PTPRB: variants seen among roughly 807,000 people sequenced by gnomAD.
The protein encoded by PTPRB is receptor-type tyrosine-protein phosphatase beta.
PTPRB carries 97 observed loss-of-function variants against 238.1 expected under a neutral mutation model. The observed-to-expected ratio is 0.41, with a 90% CI of 0.35 to 0.48. The LOEUF is 0.48. Among genes scored for constraint, PTPRB ranks in the 20% least tolerant of loss-of-function variants. The pLI is 0.30. For synonymous variants in PTPRB, 970 were observed against 995.4 expected (o/e 0.97, Z 0.48); for missense variants, 2,292 against 2,681.9 (o/e 0.85, Z 3.21).
chr12:70,526,424 T>A (rs1330848112), intron 32 of PTPRB, among the ~76,000 whole-genome samples: 1 of 152,206 alleles, frequency 6.6e-6, no homozygotes, highest in African/African-American at 2.4e-5. Flanking sequence ...CAGGCTGGTC[T>A]GAAACTCCTG....
At chr12:70,542,592 AT>A (rs200371363) in intron 22 of PTPRB, 907 of 89,800 alleles carry the variant, frequency 0.01, 12 homozygotes, top group Admixed American at 0.052. Context: ...AAAAAAAAAT[AT>A]ATATATATAT....
Position 70,520,252 on chromosome 12 carries a change from A to ATTTG in PTPRB, c.*1233_*1236dup. 2.1e-6 allele frequency: 1 copy of ATTTG among 466,278 alleles called. No homozygotes were observed. 28.9% of individuals were successfully genotyped at this position (466,278 alleles called of 1,614,324 possible). On this transcript the variant is annotated 3_prime_UTR_variant, in exon 34 of 34. Coordinates refer to ENST00000334414, the MANE Select transcript of PTPRB (RefSeq NM_001109754.4). ...AGGAAATACTTTCTGACTCATTGGA[A>ATTTG]TTTGTTATAGTCAAAGTAAGTAAGG...
chr12:70,524,158 G>C (rs547688201), intron 33 of PTPRB, among the ~76,000 whole-genome samples: 2 of 152,022 alleles, frequency 1.3e-5, no homozygotes, highest in Non-Finnish European at 1.5e-5. Context: ...ACCCAGGCTG[G>C]AGTGCAGTGG....
chr12:70,593,950 TGAAA>T (rs905639348), intron 6 of PTPRB, among the ~76,000 whole-genome samples: 1 of 152,216 alleles, frequency 6.6e-6, no homozygotes, highest in African/African-American at 2.4e-5. Flanking sequence ...GCTGAATGAA[TGAAA>T]GTTTGTATAA....
intron 21 of PTPRB, among the ~76,000 whole-genome samples, chr12:70,545,816 C>A (rs1171546947): frequency 1.3e-5 from 2 of 152,150 alleles, no homozygotes; most frequent in African/African-American, 4.8e-5. Context: ...TCATGTCACT[C>A]AAGAGAACAG....
intron 9 of PTPRB, among the ~76,000 whole-genome samples, chr12:70,585,842 T>C (rs1881853619): frequency 6.6e-6 from 1 of 150,518 alleles, no homozygotes. Flanking sequence ...TTCCCCACTC[T>C]GTGTCCAAGT....
Position 70,581,062 on chromosome 12 carries a change from C to G in PTPRB, c.2552G>C (p.Arg851Pro). ...VTTVSGGISS[R>P]QVVVEGRTVP... ...TGTTCTTCCCTCCACAACCACTTGT[C>G]GGGAAGAGATCCCTCCACTCACTGT... Residue 851 changes from arginine to proline, a missense_variant, in exon 10 of 34, where the codon CGA becomes CCA. Around this residue, in one of 4 missense-constraint regions of PTPRB, gnomAD observed 1,205 missense variants for 1,287.8 expected, o/e 0.94. Coordinates refer to ENST00000334414, the MANE Select transcript of PTPRB (RefSeq NM_001109754.4). 2 of 1,613,902 alleles carry G rather than the reference C, an allele frequency of 1.2e-6. No homozygotes were observed. The highest frequency in any genetic ancestry group is 1.7e-6 in the Non-Finnish European group (2 of 1,179,850).
chr12:70,621,044 C>T (rs137936049), intron 3 of PTPRB, among the ~76,000 whole-genome samples: 447 of 152,190 alleles, frequency 2.9e-3, no homozygotes, highest in African/African-American at 0.01. Flanking sequence ...AAAAAGTAAG[C>T]GGTGAATCTC....
chr12:70,540,300 T>TA (rs1263469254), intron 23 of PTPRB: 11 of 316,632 alleles, frequency 3.5e-5, no homozygotes, highest in African/African-American at 6.4e-5. Flanking sequence ...AACTTTGCTT[T>TA]AAAAAAATCC....
At chr12:70,550,840 T>C (rs2584026) in intron 21 of PTPRB, among the ~76,000 whole-genome samples, 85,564 of 152,006 alleles carry the variant, frequency 0.56, 26,625 homozygotes, top group Non-Finnish European at 0.7. Flanking sequence ...GACTTTTGCT[T>C]GAGTTTCCTT....
At chr12:70,585,713 G>A (rs949685015) in intron 9 of PTPRB, among the ~76,000 whole-genome samples, 1 of 151,942 alleles carries the variant, frequency 6.6e-6, no homozygotes, top group African/African-American at 2.4e-5. Context: ...TTGTTACATA[G>A]GTATACATGT....
intron 2 of PTPRB, among the ~76,000 whole-genome samples, chr12:70,623,053 G>A (rs903757770): frequency 9.2e-5 from 14 of 152,098 alleles, no homozygotes; most frequent in African/African-American, 3.1e-4. Context: ...GTGGGGTACT[G>A]TCATAGCTTT....
chr12:70,564,704 A>G (rs1041179751), intron 15 of PTPRB, among the ~76,000 whole-genome samples: 4 of 151,464 alleles, frequency 2.6e-5, no homozygotes, highest in Non-Finnish European at 1.5e-5. Context: ...GTGGTGGCAC[A>G]TGCCTGAAGT....
At chr12:70,602,323 C>T (rs1239127741) in intron 4 of PTPRB, among the ~76,000 whole-genome samples, 1 of 152,206 alleles carries the variant, frequency 6.6e-6, no homozygotes, top group Admixed American at 6.5e-5. Flanking sequence ...AATGCACCCT[C>T]ATCCCCATGA....
intron 11 of PTPRB, among the ~76,000 whole-genome samples, chr12:70,573,507 T>TTC (rs1303561732): frequency 2.2e-4 from 22 of 98,754 alleles, no homozygotes; most frequent in African/African-American, 7.5e-4. Flanking sequence ...TTTCTTTTCT[T>TTC]TTTTTTTTTT....
chr12:70,534,665 G>A lies in PTPRB; in HGVS notation c.6205-14C>T, dbSNP rs1286813741. On this transcript the variant is annotated splice_polypyrimidine_tract_variant and intron_variant, in intron 30 of 33. Coordinates refer to ENST00000334414, the MANE Select transcript of PTPRB (RefSeq NM_001109754.4). ...AAGCTGTTCCTCCTGTAAGAGCAGA[G>A]AGCAGGATAAAAGAGGAACTGTCCA... 1.9e-6 allele frequency: 3 copies of A among 1,610,464 alleles called. No individual in the cohort carries two copies. Among genetic ancestry groups the A allele is most frequent in the Non-Finnish European group, 2.5e-6 (3 of 1,178,322 alleles).
rs147778338 is a variant in PTPRB at position 70,632,378 on chromosome 12, C to T, written c.451+3293G>A. Among the ~76,000 whole-genome samples, 5 of 151,632 alleles carry T rather than the reference C, an allele frequency of 3.3e-5. No individual in the cohort carries two copies. In the South Asian group the frequency reaches 6.2e-4, roughly 19 times the overall value. ...CCACTCATAGGTGGAAATTGAACAA[C>T]GAGAACACTTGGACACAGGGCAGGA... On this transcript the variant is annotated intron_variant, in intron 2 of 33. Transcript: ENST00000334414.
At chr12:70,546,903 C>T (rs2567140) in intron 21 of PTPRB, among the ~76,000 whole-genome samples, 78,795 of 151,832 alleles carry the variant, frequency 0.52, 22,442 homozygotes, top group Middle Eastern at 0.65. Flanking sequence ...GTCCCTCCTA[C>T]TGTGAAGATT....
chr12:70,587,486 G>A (rs1191533491), intron 8 of PTPRB, among the ~76,000 whole-genome samples: 2 of 152,158 alleles, frequency 1.3e-5, no homozygotes, highest in African/African-American at 2.4e-5. Flanking sequence ...TGCCAGAAGA[G>A]TCATTGATTT....
Sources: allele counts gnomAD v4.1 joint callset (sites outside exome capture counted in the v4.1 genomes callset), GRCh38; gene constraint gnomAD v4.1.1; regional missense constraint gnomAD v4.1.1; transcripts MANE v1.5; gene names NCBI Gene and HGNC (gene_info 2026-07-23, HGNC 2026-07-21).